The following HERPUD2 variants were observed in gnomAD, a reference collection of about 807,000 sequenced individuals.
The protein encoded by HERPUD2 is HERPUD family member 2.
In HERPUD2, 13 loss-of-function variants were observed where a neutral mutation model predicts 49.9. That is an observed-to-expected ratio of 0.26 (90% CI 0.17 to 0.41). The LOEUF is 0.41. Ranked by LOEUF, HERPUD2 falls within the 10% of genes least tolerant of loss-of-function variation. The probability of loss-of-function intolerance (pLI) is 1.00; values close to 1 mark genes in which losing one functional copy is unlikely to be tolerated. For missense variants in HERPUD2, 449 were observed against 492.2 expected (o/e 0.91, Z 0.83); for synonymous variants, 172 against 171.4 (o/e 1.00, Z -0.03).
intron 2 of HERPUD2, among the ~76,000 whole-genome samples, chr7:35,685,010 A>G (rs141085132): frequency 6.6e-6 from 1 of 152,206 alleles, no homozygotes; most frequent in African/African-American, 2.4e-5. Context: ...GGAGGCCAAA[A>G]CAGATGAATC....
In HERPUD2 at chr7:35,682,347, GTGTGTGTGTGTATATA is replaced by G. The variant is rs1785925614; in HGVS notation, c.148-9085_148-9070del. Among the ~76,000 whole-genome samples the G allele has an allele frequency of 3.3e-3, 96 of 29,128 alleles. 10 individuals carry two copies. The highest frequency in any genetic ancestry group is 0.01 in the Admixed American group (38 of 3,758). The allele number at this position is 29,128 out of a possible 152,430, so 19.1% of individuals were successfully genotyped here. A position where few individuals can be genotyped will look rare whatever the true frequency, so the allele number is the denominator to read the frequency against. On this transcript the variant is annotated intron_variant, in intron 2 of 8. Transcript: ENST00000311350. The stretch of plus-strand genomic sequence containing the variant: ...CACACGTGTGTGTGTGTGTGTGTGT[GTGTGTGTGTGTATATA>G]TATATATATATATATATATATATAC...
chr7:35,674,429 A>AGAGAGG (rs1223470654), intron 2 of HERPUD2, among the ~76,000 whole-genome samples: 2 of 116,556 alleles, frequency 1.7e-5, no homozygotes, highest in Admixed American at 8.7e-5. Flanking sequence ...AGAGAGAGAG[A>AGAGAGG]GAGAGAGAGA....
chr7:35,659,127 G>A (rs1277397352), intron 5 of HERPUD2, among the ~76,000 whole-genome samples: 1 of 152,204 alleles, frequency 6.6e-6, no homozygotes, highest in Non-Finnish European at 1.5e-5. Context: ...GAGCAGAGCT[G>A]TTTTATTTTG....
chr7:35,642,922 T>C (rs746492413), intron 5 of HERPUD2, among the ~76,000 whole-genome samples: 9 of 152,332 alleles, frequency 5.9e-5, no homozygotes, highest in Admixed American at 1.3e-4. Context: ...AGTTTACCTA[T>C]GTAACAAATC....
At chr7:35,689,485 T>C (rs575064156) in intron 2 of HERPUD2, among the ~76,000 whole-genome samples, 2 of 152,302 alleles carry the variant, frequency 1.3e-5, no homozygotes, top group African/African-American at 4.8e-5. Flanking sequence ...AGTAAGGTAA[T>C]AGGAAATTAC....
rs1785316530 is a variant in HERPUD2, at chr7:35,657,916, T to C, written c.494+9518A>G. On this transcript the variant is annotated intron_variant, in intron 5 of 8. Transcript: ENST00000311350. ...CAGCCTGGGAGACACAGCGAGACTC[T>C]GTCTCAAAAAAAAAAAAGAAAAAAA... 1.3e-5 allele frequency among the ~76,000 whole-genome samples: 2 copies of C among 149,886 alleles called. 1 individual carries two copies. Among genetic ancestry groups the C allele is most frequent in the South Asian group, 4.2e-4 (2 of 4,766 alleles).
chr7:35,674,450 GAGAGAGAGA>G (rs1785716304), intron 2 of HERPUD2, among the ~76,000 whole-genome samples: 1 of 123,698 alleles, frequency 8.1e-6, no homozygotes. Context: ...GAGAGAGAGA[GAGAGAGAGA>G]GAGAGGAGCA....
At chr7:35,642,180 T>C (rs1176950485) in intron 5 of HERPUD2, among the ~76,000 whole-genome samples, 1 of 152,022 alleles carries the variant, frequency 6.6e-6, no homozygotes, top group Non-Finnish European at 1.5e-5. Context: ...AAAGAAGATA[T>C]ACATGTGGCC....
chr7:35,664,371 G>C (rs1202972028), intron 5 of HERPUD2, among the ~76,000 whole-genome samples: 1 of 152,030 alleles, frequency 6.6e-6, no homozygotes, highest in Admixed American at 6.6e-5. Flanking sequence ...ATGTGTCTTG[G>C]AATTGCTATT....
At chr7:35,683,222 G>A (rs959398029) in intron 2 of HERPUD2, among the ~76,000 whole-genome samples, 3 of 152,240 alleles carry the variant, frequency 2.0e-5, no homozygotes, top group African/African-American at 7.2e-5. Context: ...ACAAAAACAG[G>A]CACATAGACC....
chr7:35,686,750 A>AAAAAAC (rs1786063411), intron 2 of HERPUD2, among the ~76,000 whole-genome samples: 1 of 105,076 alleles, frequency 9.5e-6, no homozygotes, highest in Non-Finnish European at 1.9e-5. Flanking sequence ...AAAAAACCAA[A>AAAAAAC]CCCATTTCCA....
intron 6 of HERPUD2, among the ~76,000 whole-genome samples, chr7:35,637,138 A>AAAG (rs1784882629): frequency 2.9e-5 from 4 of 135,694 alleles, no homozygotes; most frequent in Non-Finnish European, 4.7e-5. Flanking sequence ...GTCTCAAAAA[A>AAAG]AAAGAAAGAA....
chr7:35,647,867 T>C (rs777772476), intron 5 of HERPUD2, among the ~76,000 whole-genome samples: 25 of 152,234 alleles, frequency 1.6e-4, no homozygotes, highest in African/African-American at 2.7e-4. Context: ...AAGGCACATA[T>C]AGGTGCTTAA....
rs767167464 is a variant in HERPUD2 at position 35,638,206 on chromosome 7, C to A, written c.617+144G>T. On this transcript the variant is annotated intron_variant, in intron 6 of 8. Transcript: ENST00000311350. ...CAAGGGCAGGGTTAGTTCATGTGAACTGGAGGTGAACCCTTTTTCCTTTAG... is the reference window on the plus strand; with the variant it reads ...CAAGGGCAGGGTTAGTTCATGTGAAATGGAGGTGAACCCTTTTTCCTTTAG... 8.7e-5 allele frequency: 55 copies of A among 631,650 alleles called. No individual in the cohort carries two copies. The Middle Eastern group carries it at 1.4e-3, about 16-fold the overall frequency. 39.1% of individuals were successfully genotyped at this position (631,650 alleles called of 1,614,324 possible). A position where few individuals can be genotyped will look rare whatever the true frequency, so the allele number is the denominator to read the frequency against.
At chr7:35,638,274 AACTT>A in intron 6 of HERPUD2, 72 bp downstream of exon 6, 1 of 1,388,084 alleles carries the variant, frequency 7.2e-7, no homozygotes, top group Non-Finnish European at 9.8e-7. Context: ...ATGCCAAATC[AACTT>A]ACTTAGGATA....
intron 2 of HERPUD2, 126 bp from the exon 3 acceptor site, chr7:35,673,404 C>T (rs1785685619): frequency 1.5e-6 from 1 of 653,892 alleles, no homozygotes; most frequent in East Asian, 2.8e-5. Flanking sequence ...AAAACTGACA[C>T]AATTTAAGAA....
chr7:35,659,276 T>C (rs1041974987), intron 5 of HERPUD2, among the ~76,000 whole-genome samples: 3 of 152,232 alleles, frequency 2.0e-5, no homozygotes, highest in African/African-American at 7.2e-5. Flanking sequence ...ATCATGTTCA[T>C]TGTTGAACTG....
At chr7:35,685,472 T>G (rs1028555773) in intron 2 of HERPUD2, among the ~76,000 whole-genome samples, 6 of 151,414 alleles carry the variant, frequency 4.0e-5, no homozygotes, top group African/African-American at 1.2e-4. Context: ...TACAGGCGCG[T>G]GCCACTATGC....
intron 5 of HERPUD2, among the ~76,000 whole-genome samples, chr7:35,638,873 T>C: frequency 6.6e-6 from 1 of 152,098 alleles, no homozygotes; most frequent in East Asian, 1.9e-4. Context: ...AATAGACAAA[T>C]GATATTTTAT....
Sources: gnomAD v4.1 joint callset for allele counts (sites outside exome capture counted in the v4.1 genomes callset) on GRCh38, gnomAD v4.1.1 for gene constraint, MANE v1.5 for transcripts, NCBI Gene and HGNC (gene_info 2026-07-23, HGNC 2026-07-21) for gene names.